Variants in RAD51B observed in about 807,000 individuals in gnomAD.
The protein encoded by RAD51B is DNA repair protein RAD51 homolog 2.
A neutral mutation model predicts 42.2 loss-of-function variants in RAD51B; 38 were observed. The observed-to-expected ratio is 0.90, with a 90% CI of 0.70 to 1.18. The LOEUF (loss-of-function observed/expected upper bound fraction) is 1.18, where lower values mean the gene tolerates loss of function less well. Ranked by LOEUF, RAD51B falls within the 50% of genes most tolerant of loss-of-function variation. The pLI is 0.00. For synonymous variants in RAD51B, 154 were observed against 145.2 expected (o/e 1.06, Z -0.43); for missense variants, 373 against 400.7 (o/e 0.93, Z 0.59).
At chr14:68,425,668 A>G (rs1410848648) in intron 9 of RAD51B, among the ~76,000 whole-genome samples, 1 of 150,930 alleles carries the variant, frequency 6.6e-6, no homozygotes, top group Non-Finnish European at 1.5e-5. Flanking sequence ...TACCAGGACA[A>G]AATGGACTAA....
intron 7 of RAD51B, among the ~76,000 whole-genome samples, chr14:68,221,501 A>C (rs2079926403): frequency 6.6e-6 from 1 of 152,242 alleles, no homozygotes; most frequent in African/African-American, 2.4e-5. Flanking sequence ...TAGGAGAATG[A>C]AACTGGATCC....
intron 10 of RAD51B, among the ~76,000 whole-genome samples, chr14:68,472,795 C>T (rs1305805064): frequency 6.6e-6 from 1 of 152,198 alleles, no homozygotes; most frequent in Non-Finnish European, 1.5e-5. Flanking sequence ...TCTCCAACCA[C>T]TTGGCATAGG....
chr14:68,677,890 C>T (rs74060019), intron 11 of RAD51B, among the ~76,000 whole-genome samples: 2,926 of 152,234 alleles, frequency 0.019, 99 homozygotes, highest in African/African-American at 0.068. Flanking sequence ...CTTCTGCAGG[C>T]TGGCCTTTTT....
intron 10 of RAD51B, among the ~76,000 whole-genome samples, chr14:68,492,497 C>A (rs2140283338): frequency 6.6e-6 from 1 of 152,340 alleles, no homozygotes; most frequent in Non-Finnish European, 1.5e-5. Context: ...GCTGCTACAA[C>A]TGAAGGGATT....
chr14:67,976,100 AT>A (rs11285889), intron 7 of RAD51B, among the ~76,000 whole-genome samples: 36,617 of 142,688 alleles, frequency 0.26, 5,218 homozygotes, highest in African/African-American at 0.42. Flanking sequence ...TTTTCGCTTG[AT>A]TTTTTTTTTT....
At chr14:68,412,172 G>T (rs139070173) in intron 9 of RAD51B, among the ~76,000 whole-genome samples, 22 of 152,282 alleles carry the variant, frequency 1.4e-4, no homozygotes, top group African/African-American at 5.3e-4. Context: ...CCAAAGAAAA[G>T]GACACCACTG....
chr14:67,905,738 G>A (rs2043762553), intron 7 of RAD51B, among the ~76,000 whole-genome samples: 1 of 152,038 alleles, frequency 6.6e-6, no homozygotes, highest in South Asian at 2.1e-4. Context: ...GTATAGAAAT[G>A]CTACTGATTT....
intron 8 of RAD51B, among the ~76,000 whole-genome samples, chr14:68,404,605 A>G (rs1282588416): frequency 6.6e-6 from 1 of 152,160 alleles, no homozygotes; most frequent in Non-Finnish European, 1.5e-5. Context: ...TCACCCTTCA[A>G]TTGCTTTCCT....
chr14:67,830,516 C>T (rs138513031), intron 3 of RAD51B, among the ~76,000 whole-genome samples: 60 of 151,972 alleles, frequency 3.9e-4, no homozygotes, highest in Middle Eastern at 6.8e-3. Flanking sequence ...ATTCTTGTGC[C>T]TAAGCCTCCT....
chr14:68,460,679 A>G (rs1052656562), intron 9 of RAD51B, among the ~76,000 whole-genome samples: 4 of 152,196 alleles, frequency 2.6e-5, no homozygotes, highest in Non-Finnish European at 5.9e-5. Context: ...TATGCCCAGC[A>G]CTTTCTGTTC....
At chr14:67,826,222 C>T (rs1007760458) in intron 3 of RAD51B, among the ~76,000 whole-genome samples, 3 of 151,968 alleles carry the variant, frequency 2.0e-5, no homozygotes, top group African/African-American at 4.8e-5. Context: ...TTTTAGAATG[C>T]CCCTTTCTTT....
intron 7 of RAD51B, among the ~76,000 whole-genome samples, chr14:67,900,466 CA>C (rs1320888257): frequency 1.3e-5 from 2 of 151,986 alleles, no homozygotes; most frequent in Non-Finnish European, 2.9e-5. Flanking sequence ...GGACAGAAGA[CA>C]TTTTAGTTTC....
At chr14:68,416,278 C>G (rs1307781625) in intron 9 of RAD51B, among the ~76,000 whole-genome samples, 1 of 152,172 alleles carries the variant, frequency 6.6e-6, no homozygotes, top group Admixed American at 6.6e-5. Context: ...ACTCAAATAT[C>G]ATCACTGTGA....
chr14:68,334,350 G>A (rs530479485), intron 8 of RAD51B, among the ~76,000 whole-genome samples: 1 of 152,232 alleles, frequency 6.6e-6, no homozygotes, highest in East Asian at 1.9e-4. Context: ...ATGTTATTAA[G>A]AAAATCATAA....
intron 7 of RAD51B, among the ~76,000 whole-genome samples, chr14:68,006,015 C>G (rs193274594): frequency 1.3e-5 from 2 of 152,034 alleles, no homozygotes; most frequent in Non-Finnish European, 2.9e-5. Flanking sequence ...AACCAGGTGT[C>G]GTGAGAACTC....
At chr14:68,619,035 A>G (rs1466103287) in intron 10 of RAD51B, among the ~76,000 whole-genome samples, 1 of 152,256 alleles carries the variant, frequency 6.6e-6, no homozygotes, top group Non-Finnish European at 1.5e-5. Context: ...CTCAAGGTCA[A>G]GTTCACACAA....
intron 5 of RAD51B, among the ~76,000 whole-genome samples, chr14:67,882,643 C>G (rs1208594727): frequency 6.6e-6 from 1 of 152,132 alleles, no homozygotes; most frequent in Non-Finnish European, 1.5e-5. Context: ...ATAAAACATG[C>G]AAATAACACC....
intron 3 of RAD51B, among the ~76,000 whole-genome samples, chr14:67,826,792 C>T (rs920707364): frequency 6.6e-6 from 1 of 151,908 alleles, no homozygotes; most frequent in African/African-American, 2.4e-5. Flanking sequence ...AAGCCATCCT[C>T]CCACCGCAGC....
chr14:68,172,673 A>G (rs2078895373), intron 7 of RAD51B, among the ~76,000 whole-genome samples: 1 of 152,228 alleles, frequency 6.6e-6, no homozygotes, highest in Non-Finnish European at 1.5e-5. Context: ...GAAAGAGCTT[A>G]AGAGAATTAA....
Sources: allele counts gnomAD v4.1 joint callset (sites outside exome capture counted in the v4.1 genomes callset), GRCh38; gene constraint gnomAD v4.1.1; transcripts MANE v1.5; gene names NCBI Gene and HGNC (gene_info 2026-07-23, HGNC 2026-07-21).